DCLK2: variants seen among roughly 807,000 people sequenced by gnomAD.
DCLK2 encodes doublecortin like kinase 2.
A neutral mutation model predicts 78.4 loss-of-function variants in DCLK2; 31 were observed. The observed-to-expected ratio is 0.40, with a 90% CI of 0.30 to 0.53. The LOEUF (loss-of-function observed/expected upper bound fraction) is 0.53. DCLK2 is among the 20% of genes least tolerant of loss of function. The pLI is 0.61. For missense variants in DCLK2, 872 were observed against 973.7 expected (o/e 0.90, Z 1.39); for synonymous variants, 407 against 374.9 (o/e 1.09, Z -0.99).
intron 1 of DCLK2, among the ~76,000 whole-genome samples, chr4:150,088,911 T>G (rs1240289065): frequency 1.3e-5 from 2 of 152,208 alleles, no homozygotes; most frequent in Non-Finnish European, 2.9e-5. Context: ...GGCACATGCG[T>G]AGGCCGGCTG....
chr4:150,172,852 A>G (rs1736659566), intron 2 of DCLK2, among the ~76,000 whole-genome samples: 1 of 149,358 alleles, frequency 6.7e-6, no homozygotes, highest in Non-Finnish European at 1.5e-5. Flanking sequence ...ATCCATCTCT[A>G]CCCTTTCCTT....
intron 2 of DCLK2, among the ~76,000 whole-genome samples, chr4:150,170,179 G>A (rs1216241291): frequency 2.0e-5 from 3 of 151,934 alleles, no homozygotes; most frequent in Non-Finnish European, 4.4e-5. Context: ...TCAGCCTCCC[G>A]AGTGGCTGGG....
chr4:150,163,522 G>A (rs1353297357), intron 2 of DCLK2, among the ~76,000 whole-genome samples: 4 of 151,998 alleles, frequency 2.6e-5, no homozygotes, highest in South Asian at 2.1e-4. Context: ...TTGCCCAACC[G>A]CCACCCCATG....
chr4:150,155,994 G>C (rs947201740), intron 2 of DCLK2, among the ~76,000 whole-genome samples: 1 of 152,074 alleles, frequency 6.6e-6, no homozygotes, highest in Non-Finnish European at 1.5e-5. Flanking sequence ...TGGGTAGTCA[G>C]GAAAGACAGA....
At chr4:150,113,887 T>C (rs1731875913) in intron 2 of DCLK2, among the ~76,000 whole-genome samples, 1 of 152,200 alleles carries the variant, frequency 6.6e-6, no homozygotes, top group Non-Finnish European at 1.5e-5. Flanking sequence ...CATTTAGCTC[T>C]GTAAACTTTC....
At chr4:150,129,952 C>T (rs372041179) in intron 2 of DCLK2, among the ~76,000 whole-genome samples, 1 of 151,798 alleles carries the variant, frequency 6.6e-6, no homozygotes, top group Non-Finnish European at 1.5e-5. Context: ...TATATTTAGG[C>T]GAATTTGGTG....
Position 150,247,635 on chromosome 4 carries a change from A to C in DCLK2, c.1811A>C (p.Gln604Pro). The C allele has an allele frequency of 6.2e-7, 1 of 1,614,088 alleles. No individual in the cohort carries two copies. Among genetic ancestry groups the C allele is most frequent in the Non-Finnish European group, 8.5e-7 (1 of 1,179,998 alleles). ...AATCTCCAGGAAGATCTCTTCGACC[A>C]GATCTTGGCTGGGAAGCTGGAGTTT... ...ENNLQEDLFD[Q>P]ILAGKLEFPA... is the part of the protein sequence containing the mutation. The change falls in exon 13 of 16, where the codon CAG (glutamine) becomes CCG (proline). Residue 604 changes from glutamine to proline, a missense_variant. Physicochemically the swap from Gln to Pro is moderately conservative, Grantham distance 76. This residue lies in a region of DCLK2 where 219 missense variants were observed against 230.1 expected (regional missense o/e 0.95). Transcript: ENST00000296550.
At chr4:150,213,600 T>C (rs933639840) in intron 5 of DCLK2, among the ~76,000 whole-genome samples, 1 of 151,408 alleles carries the variant, frequency 6.6e-6, no homozygotes, top group Non-Finnish European at 1.5e-5. Flanking sequence ...ATCTAGTGTA[T>C]TTTTTTTTAA....
intron 8 of DCLK2, among the ~76,000 whole-genome samples, chr4:150,231,372 AAC>A (rs1248743232): frequency 6.6e-6 from 1 of 152,248 alleles, no homozygotes; most frequent in African/African-American, 2.4e-5. Context: ...GTGCTCAAGA[AAC>A]ACAACCTACC....
chr4:150,130,702 A>G (rs887798218), intron 2 of DCLK2, among the ~76,000 whole-genome samples: 1 of 152,080 alleles, frequency 6.6e-6, no homozygotes, highest in Non-Finnish European at 1.5e-5. Flanking sequence ...CTAAAAGAGA[A>G]GGAAGACCAC....
intron 2 of DCLK2, among the ~76,000 whole-genome samples, chr4:150,148,137 G>A (rs1734613635): frequency 6.6e-6 from 1 of 152,162 alleles, no homozygotes; most frequent in Non-Finnish European, 1.5e-5. Flanking sequence ...GGAGGCCAAG[G>A]TGGGTAGATT....
At chr4:150,250,884 C>T in intron 15 of DCLK2, among the ~76,000 whole-genome samples, 1 of 91,838 alleles carries the variant, frequency 1.1e-5, no homozygotes, top group Admixed American at 1.0e-4. Context: ...CCCCACACTC[C>T]CCACACCCCC....
At chr4:150,114,848 A>G (rs936666216) in intron 2 of DCLK2, among the ~76,000 whole-genome samples, 2 of 152,228 alleles carry the variant, frequency 1.3e-5, no homozygotes, top group African/African-American at 4.8e-5. Context: ...TTTAGATAGC[A>G]TGATGACTGT....
chr4:150,203,571 C>G (rs1739607328), intron 4 of DCLK2, among the ~76,000 whole-genome samples: 1 of 150,028 alleles, frequency 6.7e-6, no homozygotes, highest in Admixed American at 6.7e-5. Context: ...TGTCAGAAAA[C>G]TACTATTGAA....
chr4:150,227,971 A>C (rs1022407092), intron 8 of DCLK2, among the ~76,000 whole-genome samples: 3 of 152,180 alleles, frequency 2.0e-5, no homozygotes, highest in African/African-American at 7.2e-5. Context: ...TCCGAAATCC[A>C]TGCTTCCTTT....
chr4:150,135,347 A>T (rs57168672), intron 2 of DCLK2, among the ~76,000 whole-genome samples: 23,429 of 152,260 alleles, frequency 0.15, 2,247 homozygotes, highest in Non-Finnish European at 0.23. Context: ...CTTTAATGCA[A>T]GAATACCTTA....
rs191458893 is a variant in DCLK2, at chr4:150,232,273, C to T, written c.1300-64C>T. ...AGGCTGTGTTTGTTTTGCTGTCCTC[C>T]AGGCCTTCGAGAGCAGAGGGTTCTG... On this transcript the variant is annotated intron_variant, in intron 8 of 15. Transcript: ENST00000296550. 379 of 1,574,890 alleles carry T rather than the reference C, an allele frequency of 2.4e-4. 1 individual carries two copies. The African/African-American group carries it at 4.3e-3, about 18-fold the overall frequency.
At chr4:150,237,976 T>C (rs1742633980) in intron 10 of DCLK2, among the ~76,000 whole-genome samples, 1 of 152,198 alleles carries the variant, frequency 6.6e-6, no homozygotes, top group Admixed American at 6.5e-5. Flanking sequence ...TGGTGAAACT[T>C]GAATTATGCT....
At chr4:150,253,291 C>A in intron 15 of DCLK2, 1 of 626,990 alleles carries the variant, frequency 1.6e-6, no homozygotes, top group Non-Finnish European at 2.8e-6. Context: ...ATAGTGTCAA[C>A]CGTCTGGAGG....
Sources: gnomAD v4.1 joint callset for allele counts (sites outside exome capture counted in the v4.1 genomes callset) on GRCh38, gnomAD v4.1.1 for gene constraint, gnomAD v4.1.1 regional missense constraint, MANE v1.5 for transcripts, NCBI Gene and HGNC (gene_info 2026-07-23, HGNC 2026-07-21) for gene names.